VNN2: variants seen among roughly 807,000 people sequenced by gnomAD.
The protein encoded by VNN2 is vanin 2, also known as pantetheine hydrolase VNN2.
Under a neutral mutation model 43.0 loss-of-function variants are expected in VNN2, and 43 were observed. The observed-to-expected ratio is 1.00, with a 90% CI of 0.78 to 1.29. The LOEUF is 1.29. Among genes scored for constraint, VNN2 ranks in the 50% most tolerant of loss-of-function variants. VNN2 has a pLI of 0.00. For missense variants in VNN2, 652 were observed against 619.7 expected (o/e 1.05, Z -0.55); for synonymous variants, 230 against 224.3 (o/e 1.03, Z -0.23).
chr6:132,758,043 T>TCTTC (rs374005582), upstream of VNN2: 40 of 358,514 alleles, frequency 1.1e-4, no homozygotes, highest in African/African-American at 2.3e-4. Context: ...CTTCTTCTTT[T>TCTTC]TTTTTTTTTT....
chr6:132,744,300 C>G lies in VNN2; in HGVS notation c.1563G>C (p.Ter521TyrextTer28). 6.2e-7 allele frequency: 1 copy of G among 1,610,870 alleles called. No individual in the cohort carries two copies. The highest frequency in any genetic ancestry group is 8.5e-7 in the Non-Finnish European group (1 of 1,178,964). The change falls in exon 7 of 7, where the codon TAG becomes TAC. Residue 521 changes from the stop codon to tyrosine, a stop_lost. Coordinates refer to ENST00000326499, the MANE Select transcript of VNN2 (RefSeq NM_004665.6). ...IIALQNIVML[*>Y] is the part of the protein sequence containing the mutation. ...AGAAGCTGAGTGATAAAGAGACGCCCTATAACATTACAATATTTTGCAAAG... is the reference window on the plus strand; with the variant it reads ...AGAAGCTGAGTGATAAAGAGACGCCGTATAACATTACAATATTTTGCAAAG...
chr6:132,754,480 T>C (rs564912854), intron 3 of VNN2, among the ~76,000 whole-genome samples: 50 of 152,164 alleles, frequency 3.3e-4, no homozygotes, highest in Non-Finnish European at 6.0e-4. Context: ...TGGTTTAACA[T>C]CCCTCCTCTT....
At chr6:132,749,271 G>A (rs1016008187) in intron 6 of VNN2, among the ~76,000 whole-genome samples, 2 of 152,120 alleles carry the variant, frequency 1.3e-5, no homozygotes, top group African/African-American at 2.4e-5. Context: ...TTGCAAACAC[G>A]GTGCAAGCAG....
chr6:132,753,659 A>G (rs1025034997), intron 3 of VNN2: 2 of 276,110 alleles, frequency 7.2e-6, no homozygotes, highest in Non-Finnish European at 1.5e-5. Flanking sequence ...CTACTATTTT[A>G]AGAATTGACA....
At chr6:132,758,000 TTTCTTCTTCTTCTTCTTC>T (rs60545394), upstream of VNN2, 10 of 341,708 alleles carry the variant, frequency 2.9e-5, no homozygotes, top group South Asian at 1.9e-4. Flanking sequence ...TATCATCATT[TTTCTTCTTCTTCTTCTTC>T]TTCTTCTTCT....
At chr6:132,751,556 C>T in intron 4 of VNN2, 38 bp from the exon 5 acceptor site, 3 of 1,559,782 alleles carry the variant, frequency 1.9e-6, no homozygotes, top group Non-Finnish European at 2.6e-6. Flanking sequence ...AACAACACCA[C>T]ACACAAAAAA....
Position 132,751,506 on chromosome 6 carries a change from T to C in VNN2, c.839A>G (p.Tyr280Cys), listed in dbSNP as rs1203599835. ...ATACACTTTGGGACCATTTGGTGCA[T>C]AAATACCACTTCCTGTGAATGAAAG... is the stretch of plus-strand genomic sequence containing the variant. ...VSLNMTGSGI[Y>C]APNGPKVYHY... Residue 280 changes from tyrosine to cysteine, a missense_variant, in exon 5 of 7, where the codon TAT (tyrosine) becomes TGT (cysteine). By Grantham distance (194) the Tyr-to-Cys change is radical. Coordinates refer to ENST00000326499, the MANE Select transcript of VNN2 (RefSeq NM_004665.6). 4 of 1,606,424 alleles carry C rather than the reference T, an allele frequency of 2.5e-6. No individual in the cohort carries two copies. Among genetic ancestry groups the C allele is most frequent in the South Asian group, 2.2e-5 (2 of 90,066 alleles).
chr6:132,751,578 C>T (rs1203572403), intron 4 of VNN2, 60 bp from the exon 5 acceptor site: 1 of 1,539,104 alleles, frequency 6.5e-7, no homozygotes, highest in Non-Finnish European at 8.7e-7. Context: ...CCAAAACTGC[C>T]AATTTCCCCA....
upstream of VNN2, among the ~76,000 whole-genome samples, chr6:132,762,314 A>G (rs1780757638): frequency 6.6e-6 from 1 of 152,202 alleles, no homozygotes; most frequent in Admixed American, 6.5e-5. Flanking sequence ...GAAACAAAGA[A>G]TGGGAAATAT....
At chr6:132,750,184 C>A (rs964407852) in intron 5 of VNN2, among the ~76,000 whole-genome samples, 25 of 152,232 alleles carry the variant, frequency 1.6e-4, no homozygotes, top group African/African-American at 5.5e-4. Context: ...CTGAAGAGTA[C>A]TGAAGCTGAA....
intron 3 of VNN2, among the ~76,000 whole-genome samples, chr6:132,754,221 G>T (rs951672132): frequency 2.0e-5 from 3 of 152,022 alleles, no homozygotes; most frequent in African/African-American, 7.2e-5. Flanking sequence ...TACAAATAAT[G>T]CAAACAATCT....
chr6:132,754,102 G>C (rs1056670896), intron 3 of VNN2, among the ~76,000 whole-genome samples: 4 of 152,178 alleles, frequency 2.6e-5, no homozygotes, highest in African/African-American at 7.2e-5. Context: ...GGTGACTGCA[G>C]GTTCCTTGCT....
At chr6:132,762,020 A>T (rs1013991078), upstream of VNN2, among the ~76,000 whole-genome samples, 6 of 152,228 alleles carry the variant, frequency 3.9e-5, no homozygotes, top group African/African-American at 1.2e-4. Flanking sequence ...TTTCATTGTT[A>T]GGCCCACAGA....
chr6:132,755,799 A>T (rs1039189415), intron 3 of VNN2, 44 bp downstream of exon 3: 1 of 1,547,940 alleles, frequency 6.5e-7, no homozygotes, highest in Non-Finnish European at 8.8e-7. Context: ...AGCATTGACC[A>T]CTCACAACAC....
Position 132,755,937 on chromosome 6 carries a change from G to T in VNN2, c.443C>A (p.Ser148Tyr), listed in dbSNP as rs767384338. Residue 148 changes from serine to tyrosine, a missense_variant, in exon 3 of 7, where the codon TCC becomes TAC. Transcript: ENST00000326499. The stretch of plus-strand genomic sequence containing the variant: ...ATTAGGAGGACATGTGGAGTCACGG[G>T]AATTACATGGCTTTTTGTCCCCCAA... The part of the protein sequence containing the change: ...ANLGDKKPCN[S>Y]RDSTCPPNGY... 1.9e-6 allele frequency: 3 copies of T among 1,614,154 alleles called. No individual in the cohort carries two copies. The South Asian group carries it at 3.3e-5, about 18-fold the overall frequency.
chr6:132,745,065 G>A (rs1779638420), intron 6 of VNN2, among the ~76,000 whole-genome samples: 1 of 152,240 alleles, frequency 6.6e-6, no homozygotes, highest in South Asian at 2.1e-4. Context: ...TTCTGAGACA[G>A]AAGTGTGTGT....
chr6:132,753,074 C>A (rs954042980), intron 3 of VNN2: 6 of 220,826 alleles, frequency 2.7e-5, no homozygotes, highest in Non-Finnish European at 5.5e-5. Flanking sequence ...TGAGACGGAG[C>A]CTCGCTCTAT....
chr6:132,751,618 T>C, intron 4 of VNN2, 100 bp from the exon 5 acceptor site: 1 of 1,408,344 alleles, frequency 7.1e-7, no homozygotes. Context: ...CACGCCACCA[T>C]ATTAGTCACG....
chr6:132,761,367 A>C (rs1035925186), upstream of VNN2, among the ~76,000 whole-genome samples: 2 of 151,122 alleles, frequency 1.3e-5, no homozygotes, highest in Non-Finnish European at 2.9e-5. Flanking sequence ...AAAAAAAAAA[A>C]AACAGTATTG....
Sources: gnomAD v4.1 joint callset for allele counts (sites outside exome capture counted in the v4.1 genomes callset) on GRCh38, gnomAD v4.1.1 for gene constraint, MANE v1.5 for transcripts, NCBI Gene and HGNC (gene_info 2026-07-23, HGNC 2026-07-21) for gene names.